The following SETBP1 variants were observed in gnomAD, a reference collection of about 807,000 sequenced individuals.
SETBP1 encodes the protein SET-binding protein.
Under a neutral mutation model 101.0 loss-of-function variants are expected in SETBP1, and 9 were observed. That is an observed-to-expected ratio of 0.09 (90% confidence interval 0.05 to 0.16). The LOEUF (loss-of-function observed/expected upper bound fraction) is 0.16. Ranked by LOEUF, SETBP1 falls within the 10% of genes least tolerant of loss-of-function variation. The pLI is 1.00. For missense variants in SETBP1, 1,858 were observed against 2,033.8 expected, an observed-to-expected ratio of 0.91 and a Z score of 1.66; for synonymous variants, 818 against 788.5, an observed-to-expected ratio of 1.04 and a Z score of -0.63.
chr18:44,946,468 A>G (rs2071210185), intron 3 of SETBP1, among the ~76,000 whole-genome samples: 1 of 152,238 alleles, frequency 6.6e-6, no homozygotes, highest in Non-Finnish European at 1.5e-5. Flanking sequence ...TGAAACAATT[A>G]GGAGATGGGG....
chr18:44,928,957 G>T (rs938139352), intron 3 of SETBP1, among the ~76,000 whole-genome samples: 1 of 152,086 alleles, frequency 6.6e-6, no homozygotes, highest in African/African-American at 2.4e-5. Flanking sequence ...TGTCAATTTT[G>T]GCTTTTGTTG....
At chr18:44,943,028 G>A (rs1447911069) in intron 3 of SETBP1, among the ~76,000 whole-genome samples, 4 of 152,122 alleles carry the variant, frequency 2.6e-5, no homozygotes, top group African/African-American at 9.7e-5. Flanking sequence ...GTGTCCATTG[G>A]AATCAAAGAA....
In SETBP1 at chr18:45,067,399, G is replaced by A. The variant is rs1395810673; in HGVS notation, c.*3701G>A. 6.6e-6 allele frequency: 1 copy of A among 152,078 alleles called. No individual in the cohort carries two copies. Among genetic ancestry groups the A allele is most frequent in the African/African-American group, 2.4e-5 (1 of 41,370 alleles). The allele number at this position is 152,078 out of a possible 1,614,324, so 9.4% of individuals were successfully genotyped here. A position where few individuals can be genotyped will look rare whatever the true frequency, so the allele number is the denominator to read the frequency against. ...CCTATCACTAGAAAGATTTACCTGGGAACTGTCTAAAGTCTACACACATAT... is the reference window on the plus strand; with the variant it reads ...CCTATCACTAGAAAGATTTACCTGGAAACTGTCTAAAGTCTACACACATAT... On this transcript the variant is annotated 3_prime_UTR_variant, in exon 6 of 6. Transcript: ENST00000649279.
At chr18:44,937,876 C>T (rs529833732) in intron 3 of SETBP1, among the ~76,000 whole-genome samples, 67 of 152,288 alleles carry the variant, frequency 4.4e-4, no homozygotes, top group Non-Finnish European at 7.8e-4. Context: ...TCCAATCTTC[C>T]TCTCTTTCTC....
At chr18:44,806,751 C>T (rs1599154047) in intron 2 of SETBP1, among the ~76,000 whole-genome samples, 1 of 143,136 alleles carries the variant, frequency 7.0e-6, no homozygotes, top group Non-Finnish European at 1.5e-5. Context: ...GTGATCATAC[C>T]TTATTTAATT....
chr18:44,807,989 G>C (rs2071783581), intron 2 of SETBP1, among the ~76,000 whole-genome samples: 1 of 152,200 alleles, frequency 6.6e-6, no homozygotes, highest in South Asian at 2.1e-4. Context: ...CGAATAGGCA[G>C]TGGAATCTTC....
chr18:45,037,296 T>A (rs928319232), intron 4 of SETBP1, among the ~76,000 whole-genome samples: 1 of 152,062 alleles, frequency 6.6e-6, no homozygotes, highest in East Asian at 1.9e-4. Context: ...TGCATTGGGG[T>A]TGGAGGGAAG....
At chr18:44,721,661 G>A (rs2069599876) in intron 2 of SETBP1, among the ~76,000 whole-genome samples, 1 of 152,102 alleles carries the variant, frequency 6.6e-6, no homozygotes, top group Non-Finnish European at 1.5e-5. Context: ...TGCTTCCACA[G>A]TATCTCCTTT....
At chr18:44,906,316 T>C (rs16978224) in intron 3 of SETBP1, among the ~76,000 whole-genome samples, 16,380 of 152,260 alleles carry the variant, frequency 0.11, 1,027 homozygotes, top group East Asian at 0.19. Flanking sequence ...TCTCTTCTGA[T>C]AGTAGTCCTA....
intron 4 of SETBP1, among the ~76,000 whole-genome samples, chr18:44,979,403 A>T (rs960217103): frequency 2.0e-5 from 3 of 152,222 alleles, no homozygotes; most frequent in African/African-American, 7.2e-5. Flanking sequence ...GGCTGTATCC[A>T]TATAACATTT....
In SETBP1 at chr18:44,695,501, C is replaced by G. The variant is rs190203913; in HGVS notation, c.-172-5674C>G. On this transcript the variant is annotated intron_variant, in intron 1 of 5. Coordinates refer to ENST00000649279, the MANE Select transcript of SETBP1 (RefSeq NM_015559.3). ...TGTTTTCCCTTCATTAGTTTAAATG[C>G]TGAAAGACATGCTACAAAATTTTGA... 5.9e-5 allele frequency among the ~76,000 whole-genome samples: 9 copies of G among 152,306 alleles called. No homozygotes were observed. The East Asian group carries it at 1.7e-3, about 29-fold the overall frequency.
At chr18:44,894,956 TAA>T (rs71297942) in intron 3 of SETBP1, among the ~76,000 whole-genome samples, 6 of 132,062 alleles carry the variant, frequency 4.5e-5, no homozygotes, top group Non-Finnish European at 4.8e-5. Context: ...CTGCAAAACT[TAA>T]AAAAAAAAAA....
At chr18:44,920,077 G>A (rs1179066654) in intron 3 of SETBP1, among the ~76,000 whole-genome samples, 1 of 152,102 alleles carries the variant, frequency 6.6e-6, no homozygotes, top group Non-Finnish European at 1.5e-5. Flanking sequence ...ATTTCTCATA[G>A]TTCTTCAAAC....
intron 4 of SETBP1, among the ~76,000 whole-genome samples, chr18:44,996,410 C>T (rs1599426556): frequency 2.0e-5 from 3 of 152,226 alleles, no homozygotes; most frequent in Admixed American, 2.0e-4. Context: ...CCAGCTTTCT[C>T]TCCTTGCCTC....
At chr18:44,808,590 C>A (rs1198482830) in intron 2 of SETBP1, among the ~76,000 whole-genome samples, 1 of 152,102 alleles carries the variant, frequency 6.6e-6, no homozygotes, top group Non-Finnish European at 1.5e-5. Context: ...CGGTCAGGAC[C>A]CTCATTGGGG....
rs374518296 is a variant in SETBP1 at position 44,918,022 on chromosome 18, G to T, written c.541-31859G>T. 4.6e-5 allele frequency among the ~76,000 whole-genome samples: 7 copies of T among 152,176 alleles called. No homozygotes were observed. The South Asian group carries it at 1.5e-3, about 32-fold the overall frequency. On this transcript the variant is annotated intron_variant, in intron 3 of 5. Transcript: ENST00000649279. ...CACCATGGCCCTCCCACAGCATGCC[G>T]CCCTCGGTTTGTATTTTGGAGGGCT...
chr18:44,751,679 T>TA (rs1245325052), intron 2 of SETBP1, among the ~76,000 whole-genome samples: 1 of 152,234 alleles, frequency 6.6e-6, no homozygotes, highest in African/African-American at 2.4e-5. Context: ...TCTCAAAGTG[T>TA]AAACAGTTTT....
chr18:44,913,536 G>A (rs1463729961), intron 3 of SETBP1, among the ~76,000 whole-genome samples: 1 of 152,196 alleles, frequency 6.6e-6, no homozygotes, highest in Non-Finnish European at 1.5e-5. Context: ...CTTAAAGCTG[G>A]GTACAACTTG....
At chr18:44,826,264 C>T (rs2072235029) in intron 2 of SETBP1, among the ~76,000 whole-genome samples, 1 of 152,148 alleles carries the variant, frequency 6.6e-6, no homozygotes, top group Non-Finnish European at 1.5e-5. Context: ...TGGAAAGACC[C>T]TCTTGCCCTT....
Sources: gnomAD v4.1 joint callset for allele counts (sites outside exome capture counted in the v4.1 genomes callset) on GRCh38, gnomAD v4.1.1 for gene constraint, MANE v1.5 for transcripts, NCBI Gene and HGNC (gene_info 2026-07-23, HGNC 2026-07-21) for gene names.